Variants in DYM observed in about 807,000 individuals in gnomAD.
DYM encodes the protein dyggve-Melchior-Clausen syndrome protein.
Under a neutral mutation model 93.1 loss-of-function variants are expected in DYM, and 78 were observed. The ratio of observed to expected loss-of-function variants is 0.84; its 90% CI spans 0.70 to 1.01. DYM has a LOEUF of 1.01. Ranked by LOEUF, DYM falls within the 50% of genes least tolerant of loss-of-function variation. The probability of loss-of-function intolerance (pLI) is 0.00; values close to 1 mark genes in which losing one functional copy is unlikely to be tolerated. For missense variants in DYM, 789 were observed against 845.0 expected, an observed-to-expected ratio of 0.93 and a Z score of 0.82; for synonymous variants, 321 against 319.7, an observed-to-expected ratio of 1.00 and a Z score of -0.04.
rs924138579 is a variant in DYM, at chr18:49,452,770, T to G, written c.-54+7628A>C. ...GCACAGCGCGGGACTGGCAGGCAGC[T>G]CTGCCTGCGGCCCTGGTGCAGGATC... On this transcript the variant is annotated intron_variant, in intron 1 of 17. Coordinates refer to ENST00000675505, the MANE Select transcript of DYM (RefSeq NM_001353214.3). Among the ~76,000 whole-genome samples, 48 of 133,154 alleles carry G rather than the reference T, an allele frequency of 3.6e-4. 11 individuals are homozygous for G. Among genetic ancestry groups the G allele is most frequent in the African/African-American group, 1.4e-3 (48 of 33,956 alleles). 87.4% of individuals were successfully genotyped at this position (133,154 alleles called of 152,430 possible).
Position 49,196,056 on chromosome 18 carries a change from C to G in DYM, c.1625+13495G>C, listed in dbSNP as rs542050108. Among the ~76,000 whole-genome samples, 12 of 151,314 alleles carry G rather than the reference C, an allele frequency of 7.9e-5. No homozygotes were observed. The East Asian group carries it at 2.3e-3, about 30-fold the overall frequency. ...TCTCCTGCCTCAGCCTCCCGAGTAG[C>G]TGGGATCACAGGCACCCACCACCAC... On this transcript the variant is annotated intron_variant, in intron 14 of 17. Transcript: ENST00000675505.
At chr18:49,278,085 A>G (rs1461807620) in intron 10 of DYM, among the ~76,000 whole-genome samples, 2 of 148,686 alleles carry the variant, frequency 1.3e-5, no homozygotes, top group Non-Finnish European at 2.9e-5. Flanking sequence ...CAAAAGAGCT[A>G]AAAAAAAATT....
chr18:49,322,279 C>T (rs190350049), intron 8 of DYM, among the ~76,000 whole-genome samples: 67 of 152,088 alleles, frequency 4.4e-4, no homozygotes, highest in African/African-American at 1.5e-3. Context: ...TGTGTAAAAC[C>T]TCAGTACTTG....
At chr18:49,123,910 A>G (rs561119763) in intron 15 of DYM, among the ~76,000 whole-genome samples, 95 of 152,328 alleles carry the variant, frequency 6.2e-4, no homozygotes, top group Non-Finnish European at 1.0e-3. Flanking sequence ...TGACTACTTT[A>G]GAAATATAAT....
chr18:49,076,879 C>G lies in DYM; in HGVS notation c.2025+20523G>C, dbSNP rs188525452. Among the ~76,000 whole-genome samples, 458 of 152,306 alleles carry G rather than the reference C, an allele frequency of 3.0e-3. 1 individual carries two copies. Among genetic ancestry groups the G allele is most frequent in the Non-Finnish European group, 3.7e-3 (250 of 68,028 alleles). On this transcript the variant is annotated intron_variant, in intron 17 of 17. Coordinates refer to ENST00000675505, the MANE Select transcript of DYM (RefSeq NM_001353214.3). The stretch of plus-strand genomic sequence containing the variant: ...AGAAAGAATGCTCTTAAGTCTTCCT[C>G]AGAAGCTTAACTCGTATATAGTTCC...
intron 13 of DYM, among the ~76,000 whole-genome samples, chr18:49,235,691 A>C (rs532084073): frequency 6.6e-6 from 1 of 152,266 alleles, no homozygotes; most frequent in East Asian, 1.9e-4. Context: ...AAGACCAATC[A>C]ACACACACCA....
chr18:49,098,698 C>A (rs833503), intron 16 of DYM, among the ~76,000 whole-genome samples: 2 of 152,104 alleles, frequency 1.3e-5, no homozygotes, highest in African/African-American at 4.8e-5. Flanking sequence ...GGGCTTTTCG[C>A]TACGTGCCTG....
rs1436995771 is a variant in DYM, at chr18:49,296,876, A to G, written c.764-10260T>C. Among the ~76,000 whole-genome samples the G allele has an allele frequency of 2.0e-5, 3 of 152,140 alleles. No individual in the cohort carries two copies. The East Asian group carries it at 5.8e-4, about 29-fold the overall frequency. On this transcript the variant is annotated intron_variant, in intron 8 of 17. Transcript: ENST00000675505. ...CTATGATCATCTGCACCACTGTCTG[A>G]CTTGGATTATACTTATGTGTATTAT...
At chr18:49,071,451 C>G (rs2076884062) in intron 17 of DYM, among the ~76,000 whole-genome samples, 1 of 152,226 alleles carries the variant, frequency 6.6e-6, no homozygotes, top group Non-Finnish European at 1.5e-5. Context: ...AAAGGCAATT[C>G]AAGTTCACAA....
At chr18:49,422,067 T>C (rs895654336) in intron 2 of DYM, among the ~76,000 whole-genome samples, 3 of 152,200 alleles carry the variant, frequency 2.0e-5, no homozygotes, top group Admixed American at 6.5e-5. Context: ...TGGAACCAAG[T>C]TGGAAAACAC....
rs532108691 is a variant in DYM at position 49,071,092 on chromosome 18, C to G, written c.2025+26310G>C. 3.9e-5 allele frequency among the ~76,000 whole-genome samples: 6 copies of G among 152,230 alleles called. No individual in the cohort carries two copies. The South Asian group carries it at 8.3e-4, about 21-fold the overall frequency. ...AGGTTAGGGCTGGGATACAGATCAC[C>G]AAAGATGAAGGCAAATCTTTTATAG... On this transcript the variant is annotated intron_variant, in intron 17 of 17. Transcript: ENST00000675505.
intron 14 of DYM, among the ~76,000 whole-genome samples, chr18:49,175,318 G>T (rs749234412): frequency 9.9e-5 from 15 of 152,076 alleles, no homozygotes; most frequent in Non-Finnish European, 2.2e-4. Context: ...CGGTATTCTT[G>T]CCTTACAAAA....
intron 14 of DYM, among the ~76,000 whole-genome samples, chr18:49,173,921 C>T (rs1463339344): frequency 6.6e-6 from 1 of 152,022 alleles, no homozygotes; most frequent in Non-Finnish European, 1.5e-5. Flanking sequence ...ATATTCTTGC[C>T]ATTTTCCTGA....
intron 16 of DYM, among the ~76,000 whole-genome samples, chr18:49,097,998 T>A (rs1178733227): frequency 1.3e-5 from 2 of 152,000 alleles, no homozygotes; most frequent in Non-Finnish European, 2.9e-5. Flanking sequence ...ACATTTCCCT[T>A]ATCATGATCA....
At chr18:49,292,600 A>ACAAAACAAAAC (rs1568188741) in intron 8 of DYM, among the ~76,000 whole-genome samples, 24 of 65,434 alleles carry the variant, frequency 3.7e-4, no homozygotes, top group African/African-American at 1.9e-3. Flanking sequence ...TGGAAAAAAA[A>ACAAAACAAAAC]AAAAAAAAAA....
chr18:49,340,834 A>C (rs1462535163), intron 6 of DYM, among the ~76,000 whole-genome samples: 1 of 152,228 alleles, frequency 6.6e-6, no homozygotes, highest in Non-Finnish European at 1.5e-5. Flanking sequence ...TAAAACTACT[A>C]CCACTCAGTG....
intron 14 of DYM, among the ~76,000 whole-genome samples, chr18:49,184,000 CACCCT>C (rs1455180340): frequency 6.6e-6 from 1 of 152,186 alleles, no homozygotes; most frequent in Non-Finnish European, 1.5e-5. Context: ...CACTAGACCC[CACCCT>C]ACTGGCACTT....
At chr18:49,437,931 T>C (rs1039141080) in intron 1 of DYM, among the ~76,000 whole-genome samples, 1 of 152,294 alleles carries the variant, frequency 6.6e-6, no homozygotes, top group Non-Finnish European at 1.5e-5. Flanking sequence ...CAAACACCTG[T>C]ACACCTGTAA....
At chr18:49,415,865 T>G (rs888520768) in intron 2 of DYM, among the ~76,000 whole-genome samples, 4 of 149,408 alleles carry the variant, frequency 2.7e-5, no homozygotes, top group African/African-American at 4.9e-5. Context: ...AGGCAGAGGC[T>G]GCAGTGAGCC....
Sources: gnomAD v4.1 joint callset for allele counts (sites outside exome capture counted in the v4.1 genomes callset) on GRCh38, gnomAD v4.1.1 for gene constraint, MANE v1.5 for transcripts, NCBI Gene and HGNC (gene_info 2026-07-23, HGNC 2026-07-21) for gene names.